Variants in PCCB observed in about 807,000 individuals in gnomAD.
PCCB encodes the protein propionyl-CoA carboxylase subunit beta.
Under a neutral mutation model 60.7 loss-of-function variants are expected in PCCB, and 43 were observed. The observed-to-expected ratio is 0.71, with a 90% CI of 0.55 to 0.91. The LOEUF is 0.91. Among genes scored for constraint, PCCB ranks in the 40% least tolerant of loss-of-function variants. PCCB has a pLI of 0.00. For synonymous variants in PCCB, 276 were observed against 255.9 expected (o/e 1.08, Z -0.75); for missense variants, 766 against 702.8 (o/e 1.09, Z -1.02).
chr3:136,298,917 A>G (rs1934056480), intron 8 of PCCB, among the ~76,000 whole-genome samples: 1 of 152,112 alleles, frequency 6.6e-6, no homozygotes, highest in Non-Finnish European at 1.5e-5. Flanking sequence ...TGGGCCAGGG[A>G]TGCTCTGAAG....
At chr3:136,319,418 G>A (rs1251591275) in intron 10 of PCCB, among the ~76,000 whole-genome samples, 1 of 146,936 alleles carries the variant, frequency 6.8e-6, no homozygotes, top group Non-Finnish European at 1.5e-5. Context: ...GGAGTCTCGC[G>A]CTCTCTTGCT....
At chr3:136,293,306 T>A (rs532966063) in intron 6 of PCCB, among the ~76,000 whole-genome samples, 1 of 152,214 alleles carries the variant, frequency 6.6e-6, no homozygotes, top group African/African-American at 2.4e-5. Context: ...ACCCACTGAT[T>A]TATCAATATT....
chr3:136,288,192 A>C (rs1477605697), intron 6 of PCCB, among the ~76,000 whole-genome samples: 1 of 152,158 alleles, frequency 6.6e-6, no homozygotes, highest in Non-Finnish European at 1.5e-5. Context: ...CTCAGAATGT[A>C]GTCTATCTTG....
intron 6 of PCCB, among the ~76,000 whole-genome samples, chr3:136,288,475 A>G (rs1267935155): frequency 1.3e-5 from 2 of 149,346 alleles, no homozygotes; most frequent in Non-Finnish European, 3.0e-5. Context: ...CCTCCTGTGT[A>G]GCTGGGACTA....
At chr3:136,272,968 T>C (rs1038819417) in intron 5 of PCCB, among the ~76,000 whole-genome samples, 5 of 152,228 alleles carry the variant, frequency 3.3e-5, no homozygotes, top group Non-Finnish European at 5.9e-5. Flanking sequence ...CTATGAACTT[T>C]CCTCTTAGCA....
chr3:136,315,009 T>C (rs1034557012), intron 9 of PCCB, among the ~76,000 whole-genome samples: 6 of 152,094 alleles, frequency 3.9e-5, no homozygotes, highest in Admixed American at 3.9e-4. Flanking sequence ...CATGAAGAAA[T>C]ACCAAAGGAA....
Position 136,317,846 on chromosome 3 carries a change from G to A in PCCB, c.1090+782G>A, listed in dbSNP as rs79753610. 3.8e-4 allele frequency among the ~76,000 whole-genome samples: 58 copies of A among 152,284 alleles called. No individual in the cohort carries two copies. In the East Asian group the frequency reaches 0.011, roughly 29 times the overall value. On this transcript the variant is annotated intron_variant, in intron 10 of 14. Coordinates refer to ENST00000251654, the MANE Select transcript of PCCB (RefSeq NM_000532.5). ...CTGGTGATATGGCCAGACCTGATTC[G>A]CAGCCAAGTGAGGGAGACTCTTCCA...
intron 9 of PCCB, among the ~76,000 whole-genome samples, chr3:136,314,837 A>C (rs1934822190): frequency 6.6e-6 from 1 of 152,212 alleles, no homozygotes; most frequent in African/African-American, 2.4e-5. Flanking sequence ...TGTAGTCTCA[A>C]CGTATTTCCT....
chr3:136,279,890 TCTC>T (rs1398356998), intron 5 of PCCB, among the ~76,000 whole-genome samples: 5 of 152,062 alleles, frequency 3.3e-5, no homozygotes, highest in Non-Finnish European at 7.4e-5. Context: ...ATGGTCTCGA[TCTC>T]CTGACCTCGT....
At chr3:136,302,047 A>G (rs1934306993) in intron 9 of PCCB, among the ~76,000 whole-genome samples, 1 of 152,192 alleles carries the variant, frequency 6.6e-6, no homozygotes, top group African/African-American at 2.4e-5. Context: ...GAGCCTCGCA[A>G]CAGTGTGGGG....
In PCCB at chr3:136,327,173, G is replaced by T. The variant is rs763439525; in HGVS notation, c.1217G>T (p.Gly406Val). The change falls in exon 12 of 15, where the codon GGG becomes GTG. Residue 406 changes from glycine (G) to valine (V), a missense_variant. Gly to Val is a moderately radical substitution (Grantham distance 109, BLOSUM62 -3). Coordinates refer to ENST00000251654, the MANE Select transcript of PCCB (RefSeq NM_000532.5). ...TGTCTAGGCACAGCACAGGAATACGGGGGCATCATCCGGCATGGTGCCAAG... is the reference window on the plus strand; with the variant it reads ...TGTCTAGGCACAGCACAGGAATACGTGGGCATCATCCGGCATGGTGCCAAG... ...GFLPGTAQEYGGIIRHGAKLL... is the reference protein window; with the variant it reads ...GFLPGTAQEYVGIIRHGAKLL... 6.2e-7 allele frequency: 1 copy of T among 1,614,096 alleles called. No individual in the cohort carries two copies. Among genetic ancestry groups the T allele is most frequent in the South Asian group, 1.1e-5 (1 of 91,076 alleles).
At chr3:136,253,602 C>G (rs960951046) in intron 1 of PCCB, among the ~76,000 whole-genome samples, 1 of 151,288 alleles carries the variant, frequency 6.6e-6, no homozygotes, top group Admixed American at 6.6e-5. Flanking sequence ...GCAGGCTGGT[C>G]TCTAACTTTT....
At chr3:136,268,181 T>C (rs1425589363) in intron 5 of PCCB, among the ~76,000 whole-genome samples, 1 of 146,474 alleles carries the variant, frequency 6.8e-6, no homozygotes, top group East Asian at 2.0e-4. Context: ...CAGCCAGCTT[T>C]CTTATAGTAG....
intron 8 of PCCB, 108 bp downstream of exon 8, chr3:136,298,180 G>A (rs1303394652): frequency 8.3e-6 from 11 of 1,327,506 alleles, no homozygotes; most frequent in Admixed American, 1.7e-5. Context: ...GCAGCAGAGT[G>A]TGGTAGAGTG....
In PCCB at chr3:136,301,129, T is replaced by C. The variant is rs756231828; in HGVS notation, c.966+18T>C. The C allele has an allele frequency of 6.3e-7, 1 of 1,595,426 alleles. No homozygotes were observed. ...TACACTCTGTAAGTGCCACATCTGT[T>C]TGTCTTGCCTGTCCTAGTCAGCCAC... is the stretch of plus-strand genomic sequence containing the variant. On this transcript the variant is annotated intron_variant, in intron 9 of 14. Coordinates refer to ENST00000251654, the MANE Select transcript of PCCB (RefSeq NM_000532.5).
intron 10 of PCCB, 107 bp downstream of exon 10, chr3:136,317,171 A>C: frequency 1.0e-6 from 1 of 985,860 alleles, no homozygotes; most frequent in Non-Finnish European, 1.5e-6. Context: ...ATGGCCTTCC[A>C]TGACCAGAGG....
At chr3:136,287,402 T>C (rs182435935) in intron 6 of PCCB, among the ~76,000 whole-genome samples, 254 of 152,112 alleles carry the variant, frequency 1.7e-3, no homozygotes, top group African/African-American at 5.9e-3. Flanking sequence ...TAAGTGTGTG[T>C]GTGTGTTTTT....
At chr3:136,325,213 CAG>C (rs1467171329) in intron 10 of PCCB, among the ~76,000 whole-genome samples, 2 of 151,678 alleles carry the variant, frequency 1.3e-5, no homozygotes, top group Non-Finnish European at 2.9e-5. Flanking sequence ...CTTTTAGAGA[CAG>C]AGTGTCACTA....
chr3:136,296,147 A>G (rs1218926186), intron 7 of PCCB, among the ~76,000 whole-genome samples: 3 of 152,214 alleles, frequency 2.0e-5, no homozygotes, highest in Non-Finnish European at 4.4e-5. Flanking sequence ...TATAGTGTAC[A>G]ATTCAGTGGT....
Sources: gnomAD v4.1 joint callset for allele counts (sites outside exome capture counted in the v4.1 genomes callset) on GRCh38, gnomAD v4.1.1 for gene constraint, MANE v1.5 for transcripts, NCBI Gene and HGNC (gene_info 2026-07-23, HGNC 2026-07-21) for gene names.